The following CHIT1 variants were observed in gnomAD, a reference collection of about 807,000 sequenced individuals.
The protein encoded by CHIT1 is chitotriosidase-1.
In CHIT1, 47 loss-of-function variants were observed where a neutral mutation model predicts 52.0. That is an observed-to-expected ratio of 0.90 (90% CI 0.71 to 1.15). CHIT1 has a LOEUF of 1.15. Among genes scored for constraint, CHIT1 ranks in the 50% most tolerant of loss-of-function variants. The probability of loss-of-function intolerance (pLI) is 0.00; values close to 1 mark genes in which losing one functional copy is unlikely to be tolerated. For synonymous variants in CHIT1, 242 were observed against 228.2 expected (o/e 1.06, Z -0.54); for missense variants, 569 against 583.0 (o/e 0.98, Z 0.25).
intron 7 of CHIT1, among the ~76,000 whole-genome samples, chr1:203,220,734 A>G (rs1015822331): frequency 4.6e-5 from 7 of 152,356 alleles, no homozygotes; most frequent in South Asian, 4.1e-4. Context: ...TTGTCCATCT[A>G]TACAACTTAT....
rs1167934950 is a variant in CHIT1 at position 203,223,566 on chromosome 1, G to A, written c.409C>T (p.Leu137Phe). 1.2e-6 allele frequency: 2 copies of A among 1,614,236 alleles called. No individual in the cohort carries two copies. Among genetic ancestry groups the A allele is most frequent in the Non-Finnish European group, 8.5e-7 (1 of 1,180,042 alleles). The change falls in exon 5 of 11, where the codon CTT (leucine) becomes TTT (phenylalanine). Residue 137 changes from leucine (L) to phenylalanine (F), a missense_variant. By Grantham distance (22) the Leu-to-Phe change is conservative. Coordinates refer to ENST00000367229, the MANE Select transcript of CHIT1 (RefSeq NM_003465.3). Reference sequence around the variant, plus strand: ...TGGCTTCCTGGGTACTCCCAGTCAAGGTCAAGGCCGTCAAAGCTGTATTTG... The same window carrying A: ...TGGCTTCCTGGGTACTCCCAGTCAAAGTCAAGGCCGTCAAAGCTGTATTTG... ...LRKYSFDGLD[L>F]DWEYPGSQGS...
At chr1:203,222,677 G>C (rs1374898335) in intron 6 of CHIT1, among the ~76,000 whole-genome samples, 4 of 152,186 alleles carry the variant, frequency 2.6e-5, no homozygotes, top group Non-Finnish European at 4.4e-5. Flanking sequence ...GATCACCTGG[G>C]AATCTCACTA....
chr1:203,229,744 G>A, upstream of CHIT1: 2 of 1,359,546 alleles, frequency 1.5e-6, no homozygotes, highest in Non-Finnish European at 2.1e-6. Flanking sequence ...TTGCAATCAG[G>A]GGCACTGGGT....
chr1:203,219,662 A>G lies in CHIT1; in HGVS notation c.915+2T>C. 3 of 1,613,992 alleles carry G rather than the reference A, an allele frequency of 1.9e-6. No individual in the cohort carries two copies. Among genetic ancestry groups the G allele is most frequent in the Non-Finnish European group, 2.5e-6 (3 of 1,179,974 alleles). On this transcript the variant is annotated splice_donor_variant, in intron 8 of 10. Transcript: ENST00000367229. LOFTEE classifies it high-confidence loss of function. The stretch of plus-strand genomic sequence containing the variant: ...ACCCAGGGTGGTTATGGGTTTTCCT[A>G]CTTCATAGTAGGCCAGCATCCCTCC...
chr1:203,222,967 A>G (rs1287524592), intron 6 of CHIT1, among the ~76,000 whole-genome samples, 168 bp downstream of exon 6: 1 of 152,134 alleles, frequency 6.6e-6, no homozygotes, highest in African/African-American at 2.4e-5. Context: ...TCTTAGTTTT[A>G]CCCTGAGTAC....
intron 7 of CHIT1, 21 bp downstream of exon 7, chr1:203,222,181 C>T: frequency 1.2e-6 from 2 of 1,613,510 alleles, no homozygotes; most frequent in Non-Finnish European, 1.7e-6. Context: ...AGTCCTGCCT[C>T]AGCCCTCCTG....
At chr1:203,220,191 C>A (rs1656685283) in intron 7 of CHIT1, among the ~76,000 whole-genome samples, 1 of 152,184 alleles carries the variant, frequency 6.6e-6, no homozygotes, top group Admixed American at 6.5e-5. Flanking sequence ...CCCTGCCTTA[C>A]CCAGCAGCTT....
At chr1:203,226,340 A>C (rs1053428760) in intron 2 of CHIT1, among the ~76,000 whole-genome samples, 15 of 152,178 alleles carry the variant, frequency 9.9e-5, no homozygotes, top group Non-Finnish European at 1.9e-4. Context: ...CTGAAACCTG[A>C]CAGAAGGTAG....
chr1:203,223,718 T>C, intron 4 of CHIT1, 58 bp from the exon 5 acceptor site: 10 of 1,571,512 alleles, frequency 6.4e-6, no homozygotes, highest in African/African-American at 2.7e-5. Context: ...AGGCCACTCT[T>C]ACTCAGAAGC....
chr1:203,229,396 C>T (rs1479772629), intron 1 of CHIT1, among the ~76,000 whole-genome samples: 2 of 152,180 alleles, frequency 1.3e-5, no homozygotes, highest in Non-Finnish European at 2.9e-5. Flanking sequence ...TCCCTTGCAA[C>T]ATGAAGTCTC....
At chr1:203,218,384 C>T (rs146448755) in intron 9 of CHIT1, among the ~76,000 whole-genome samples, 230 of 152,304 alleles carry the variant, frequency 1.5e-3, no homozygotes, top group Middle Eastern at 3.4e-3. Context: ...TGTGTTCCCT[C>T]AGAGTGGGAT....
Position 203,218,199 on chromosome 1 carries a change from AG to A in CHIT1, c.1030-335del. 3 of 1,065,624 alleles carry A rather than the reference AG, an allele frequency of 2.8e-6. No homozygotes were observed. The South Asian group carries it at 4.3e-5, about 15-fold the overall frequency. 66.0% of individuals were successfully genotyped at this position (1,065,624 alleles called of 1,614,324 possible). A position where few individuals can be genotyped will look rare whatever the true frequency, so the allele number is the denominator to read the frequency against. On this transcript the variant is annotated intron_variant, in intron 9 of 10. Transcript: ENST00000367229. ...TGTGTGGGCTGAGCTGCTTTATTTA[AG>A]GGTATTGTATGCTGGTCAAGGTCAA...
At chr1:203,219,611 C>G (rs767942060) in intron 8 of CHIT1, 53 bp downstream of exon 8, 5 of 1,597,936 alleles carry the variant, frequency 3.1e-6, no homozygotes, top group Non-Finnish European at 4.3e-6. Context: ...CCTCTGTTCT[C>G]TCAGGCACCC....
Position 203,223,204 on chromosome 1 carries a change from A to T in CHIT1, c.536T>A (p.Leu179His). The change falls in exon 6 of 11, where the codon CTT becomes CAT. Residue 179 changes from leucine to histidine, a missense_variant. By Grantham distance (99) the Leu-to-His change is moderately conservative. Transcript: ENST00000367229. Reference protein sequence around the residue: ...EAQTSGKERLLLSAAVPAGQT... With the variant: ...EAQTSGKERLHLSAAVPAGQT... Reference sequence around the variant, plus strand: ...CCCAGCTGGAACCGCTGCACTCAGAAGAAGGCGTTCCTTCCCTGAGGTCTG... The same window carrying T: ...CCCAGCTGGAACCGCTGCACTCAGATGAAGGCGTTCCTTCCCTGAGGTCTG... 6.2e-7 allele frequency: 1 copy of T among 1,614,236 alleles called. No homozygotes were observed. Among genetic ancestry groups the T allele is most frequent in the Non-Finnish European group, 8.5e-7 (1 of 1,180,040 alleles).
intron 6 of CHIT1, among the ~76,000 whole-genome samples, chr1:203,222,599 ACTC>A (rs1656778876): frequency 6.6e-6 from 1 of 151,492 alleles, no homozygotes; most frequent in Non-Finnish European, 1.5e-5. Flanking sequence ...ACTCAAGAAA[ACTC>A]CTGCTACATT....
In CHIT1 at chr1:203,221,156, T is replaced by C. The variant is rs6665882; in HGVS notation, c.729+1046A>G. Among the ~76,000 whole-genome samples, 654 of 152,328 alleles carry C rather than the reference T, an allele frequency of 4.3e-3. 7 individuals are homozygous for C. The highest frequency in any genetic ancestry group is 0.015 in the African/African-American group (634 of 41,552). On this transcript the variant is annotated intron_variant, in intron 7 of 10. Transcript: ENST00000367229. The stretch of plus-strand genomic sequence containing the variant: ...TGAAAGAGCCAGAAAATCAAAGATG[T>C]CCCACTCCAGCTGACATACAGAGAT...
chr1:203,223,703 A>G, intron 4 of CHIT1, 43 bp from the exon 5 acceptor site: 1 of 1,595,750 alleles, frequency 6.3e-7, no homozygotes, highest in Non-Finnish European at 8.6e-7. Context: ...CTTGGACCAG[A>G]CAGGAGGCCA....
intron 9 of CHIT1, among the ~76,000 whole-genome samples, chr1:203,218,712 G>A (rs1020822269): frequency 1.3e-5 from 2 of 152,058 alleles, no homozygotes; most frequent in African/African-American, 4.8e-5. Context: ...TCTAGAAGCT[G>A]CCGCTGTCAG....
chr1:203,224,197 T>G (rs537945218), intron 4 of CHIT1, among the ~76,000 whole-genome samples: 68 of 152,332 alleles, frequency 4.5e-4, no homozygotes, highest in African/African-American at 1.6e-3. Flanking sequence ...GAGCGCTTTG[T>G]GTTTTTGTTG....
Sources: gnomAD v4.1 joint callset for allele counts (sites outside exome capture counted in the v4.1 genomes callset) on GRCh38, gnomAD v4.1.1 for gene constraint, MANE v1.5 for transcripts, NCBI Gene and HGNC (gene_info 2026-07-23, HGNC 2026-07-21) for gene names.